The following ABRAXAS2 variants were observed in gnomAD, a reference collection of about 807,000 sequenced individuals.
The protein encoded by ABRAXAS2 is abraxas 2, BRISC complex subunit.
Under a neutral mutation model 49.0 loss-of-function variants are expected in ABRAXAS2, and 23 were observed. That is an observed-to-expected ratio of 0.47 (90% CI 0.34 to 0.66). The LOEUF (loss-of-function observed/expected upper bound fraction) is 0.66. Ranked by LOEUF, ABRAXAS2 falls within the 30% of genes least tolerant of loss-of-function variation. The pLI is 0.01. For missense variants in ABRAXAS2, 443 were observed against 511.9 expected (o/e 0.87, Z 1.30); for synonymous variants, 168 against 180.2 (o/e 0.93, Z 0.54).
chr10:124,825,903 G>A (rs1429652604), intron 4 of ABRAXAS2, among the ~76,000 whole-genome samples: 1 of 152,100 alleles, frequency 6.6e-6, no homozygotes, highest in Non-Finnish European at 1.5e-5. Context: ...TTAGGGATGG[G>A]GTCCAGGAAT....
chr10:124,828,805 C>T lies in ABRAXAS2; in HGVS notation c.508C>T (p.Gln170Ter). 1 of 1,613,468 alleles carries T rather than the reference C, an allele frequency of 6.2e-7. No individual in the cohort carries two copies. Among genetic ancestry groups the T allele is most frequent in the Non-Finnish European group, 8.5e-7 (1 of 1,179,472 alleles). ...LAIPNLGNTSQQEYKVSSVPN... is the reference protein window; with the variant it reads ...LAIPNLGNTS ...TATTCCCAATCTAGGAAATACTAGC[C>T]AGCAAGAGTACAAAGTGTCTTCAGT... The change falls in exon 6 of 9, where the codon CAG (glutamine) becomes TAG (stop). Residue 170 changes from glutamine to a stop codon, truncating the protein, a stop_gained. Transcript: ENST00000298492. LOFTEE classifies it high-confidence loss of function.
intron 2 of ABRAXAS2, among the ~76,000 whole-genome samples, chr10:124,809,837 C>G (rs1475294427): frequency 6.6e-6 from 1 of 151,444 alleles, no homozygotes; most frequent in Non-Finnish European, 1.5e-5. Flanking sequence ...ACCACAACCT[C>G]CACCTCCCGG....
At chr10:124,805,328 G>T (rs1359816722) in intron 1 of ABRAXAS2, among the ~76,000 whole-genome samples, 1 of 144,944 alleles carries the variant, frequency 6.9e-6, no homozygotes, top group African/African-American at 2.6e-5. Context: ...GCGACAGAGC[G>T]AGACTCCGTC....
In ABRAXAS2 at chr10:124,834,551, C is replaced by G. The variant is rs1421299394; in HGVS notation, c.828C>G (p.Asp276Glu). The G allele has an allele frequency of 2.5e-6, 4 of 1,614,134 alleles. No homozygotes were observed. In the Admixed American group the frequency reaches 5.0e-5, roughly 20 times the overall value. ...LSRQMPSESLDPAFSPRMPSS... is the reference protein window; with the variant it reads ...LSRQMPSESLEPAFSPRMPSS... ...GACAGATGCCGTCTGAAAGCTTGGA[C>G]CCAGCGTTCAGTCCTCGGATGCCGT... Residue 276 changes from aspartate to glutamate, a missense_variant, in exon 9 of 9, where the codon GAC (aspartate) becomes GAG (glutamate). Physicochemically the swap from Asp to Glu is conservative, Grantham distance 45. This residue lies in a region of ABRAXAS2 where 230 missense variants were observed against 237.0 expected (regional missense o/e 0.97). Transcript: ENST00000298492.
At position 124,816,590 on chromosome 10, in the gene ABRAXAS2, C is replaced by A; in HGVS notation, c.178C>A (p.Gln60Lys). The change falls in exon 3 of 9, where the codon CAG becomes AAG. Residue 60 changes from glutamine (Q) to lysine (K), a missense_variant. Physicochemically the swap from Gln to Lys is moderately conservative, Grantham distance 53. Transcript: ENST00000298492. ...TCTAATTACAGAAATCCATAACCATCAGCCTTGTTCAAAACTTTTTAGGTA... is the reference window on the plus strand; with the variant it reads ...TCTAATTACAGAAATCCATAACCATAAGCCTTGTTCAAAACTTTTTAGGTA... ...FLQVIEIHNH[Q>K]PCSKLFSFYD... is the part of the protein sequence containing the mutation. 1 of 1,601,794 alleles carries A rather than the reference C, an allele frequency of 6.2e-7. No individual in the cohort carries two copies. The highest frequency in any genetic ancestry group is 8.5e-7 in the Non-Finnish European group (1 of 1,169,696).
At chr10:124,805,226 G>A (rs910360316) in intron 1 of ABRAXAS2, among the ~76,000 whole-genome samples, 2 of 151,800 alleles carry the variant, frequency 1.3e-5, no homozygotes, top group African/African-American at 2.4e-5. Flanking sequence ...CCAGCTACTC[G>A]GGAGGCTGAG....
chr10:124,813,115 C>T lies in ABRAXAS2; in HGVS notation c.164-3461C>T, dbSNP rs986812227. On this transcript the variant is annotated intron_variant, in intron 2 of 8. Transcript: ENST00000298492. ...ACTTGGGAGGCTGAAGTACGAGAATCGCTTGAATGTGGGAGGCGGAGGTTG... is the reference window on the plus strand; with the variant it reads ...ACTTGGGAGGCTGAAGTACGAGAATTGCTTGAATGTGGGAGGCGGAGGTTG... 9.2e-5 allele frequency among the ~76,000 whole-genome samples: 14 copies of T among 152,164 alleles called. 1 individual carries two copies. The highest frequency in any genetic ancestry group is 3.1e-4 in the African/African-American group (13 of 41,420).
intron 1 of ABRAXAS2, among the ~76,000 whole-genome samples, chr10:124,806,316 GAAAAA>G (rs576496313): frequency 7.4e-6 from 1 of 135,866 alleles, no homozygotes; most frequent in African/African-American, 2.7e-5. Flanking sequence ...AAAAAAAAAA[GAAAAA>G]AAAAAAGACA....
intron 2 of ABRAXAS2, among the ~76,000 whole-genome samples, chr10:124,813,078 G>A (rs1023101881): frequency 6.6e-6 from 1 of 152,186 alleles, no homozygotes; most frequent in African/African-American, 2.4e-5. Context: ...GTGCACGCCT[G>A]TAATCCCAGC....
At chr10:124,824,534 C>CAAAAAAAAAAAAAAAA (rs531680713) in intron 4 of ABRAXAS2, among the ~76,000 whole-genome samples, 1 of 78,198 alleles carries the variant, frequency 1.3e-5, no homozygotes. Context: ...TCTCAAAAAC[C>CAAAAAAAAAAAAAAAA]AAAAAAAAAA....
At chr10:124,822,408 C>T (rs1325090653) in intron 4 of ABRAXAS2, among the ~76,000 whole-genome samples, 3 of 152,016 alleles carry the variant, frequency 2.0e-5, no homozygotes, top group African/African-American at 4.8e-5. Flanking sequence ...ATAAAGGGTG[C>T]AGGTATCTAT....
chr10:124,811,904 A>G (rs1950791726), intron 2 of ABRAXAS2, among the ~76,000 whole-genome samples: 1 of 151,966 alleles, frequency 6.6e-6, no homozygotes. Flanking sequence ...CAGCCTCCCA[A>G]GTAGCTGGGG....
At chr10:124,832,039 G>GT (rs1249456712) in intron 8 of ABRAXAS2, among the ~76,000 whole-genome samples, 1 of 150,988 alleles carries the variant, frequency 6.6e-6, no homozygotes, top group Non-Finnish European at 1.5e-5. Context: ...TTTTTTTCTT[G>GT]TTTTTTTAGT....
Position 124,834,764 on chromosome 10 carries a change from C to G in ABRAXAS2, c.1041C>G (p.Ala347=). 1 of 1,614,104 alleles carries G rather than the reference C, an allele frequency of 6.2e-7. No homozygotes were observed. The highest frequency in any genetic ancestry group is 8.5e-7 in the Non-Finnish European group (1 of 1,180,034). Residue 347 remains alanine, a synonymous_variant, in exon 9 of 9, where the codon GCC becomes GCG. Transcript: ENST00000298492. ...VGSSNYASTS[A]GLKYPGSGAD... is the part of the protein sequence containing the mutation. ...CTTCCAATTATGCTTCCACCAGTGC[C>G]GGACTGAAGTATCCTGGAAGTGGGG...
At chr10:124,811,525 C>T (rs540934210) in intron 2 of ABRAXAS2, among the ~76,000 whole-genome samples, 105 of 152,108 alleles carry the variant, frequency 6.9e-4, no homozygotes, top group African/African-American at 2.4e-3. Flanking sequence ...CAGGAGAGGT[C>T]AGGAGATTGA....
At chr10:124,830,438 C>T (rs1176937457) in intron 7 of ABRAXAS2, among the ~76,000 whole-genome samples, 4 of 152,072 alleles carry the variant, frequency 2.6e-5, no homozygotes, top group Admixed American at 6.6e-5. Flanking sequence ...AGAGTGAGAC[C>T]TCATCTCTAA....
chr10:124,805,981 A>G (rs1950739713), intron 1 of ABRAXAS2, among the ~76,000 whole-genome samples: 1 of 152,194 alleles, frequency 6.6e-6, no homozygotes, highest in African/African-American at 2.4e-5. Flanking sequence ...CAAAAGTGTA[A>G]ATAAGTTAAC....
rs537763518 is a variant in ABRAXAS2, at chr10:124,821,533, A to G, written c.267+2083A>G. ...GTGAGCTGAGATTGCGCCACTGCAC[A>G]CTCCCACCTGGGTGACAGAGCGAGA... is the stretch of plus-strand genomic sequence containing the variant. On this transcript the variant is annotated intron_variant, in intron 4 of 8. Coordinates refer to ENST00000298492, the MANE Select transcript of ABRAXAS2 (RefSeq NM_032182.4). Among the ~76,000 whole-genome samples, 54 of 149,934 alleles carry G rather than the reference A, an allele frequency of 3.6e-4. No individual in the cohort carries two copies. In the South Asian group the frequency reaches 0.011, roughly 32 times the overall value.
intron 6 of ABRAXAS2, 127 bp downstream of exon 6, chr10:124,829,002 A>G: frequency 1.1e-6 from 1 of 887,740 alleles, no homozygotes. Flanking sequence ...AGAATACAGT[A>G]AGGTAATTGT....
Sources: gnomAD v4.1 joint callset for allele counts (sites outside exome capture counted in the v4.1 genomes callset) on GRCh38, gnomAD v4.1.1 for gene constraint, gnomAD v4.1.1 regional missense constraint, MANE v1.5 for transcripts, NCBI Gene and HGNC (gene_info 2026-07-23, HGNC 2026-07-21) for gene names.